The following DUS3L variants were observed in gnomAD, a reference collection of about 807,000 sequenced individuals.
DUS3L encodes tRNA-dihydrouridine(47) synthase [NAD(P)(+)]-like.
In DUS3L, 62 loss-of-function variants were observed where a neutral mutation model predicts 74.6. That is an observed-to-expected ratio of 0.83 (90% CI 0.68 to 1.03). The LOEUF is 1.03. DUS3L is among the 50% of genes least tolerant of loss of function. The probability of loss-of-function intolerance (pLI) is 0.00; values close to 1 mark genes in which losing one functional copy is unlikely to be tolerated. For synonymous variants in DUS3L, 433 were observed against 395.7 expected (o/e 1.09, Z -1.12); for missense variants, 884 against 924.4 (o/e 0.96, Z 0.57).
Position 5,790,102 on chromosome 19 carries a change from G to C in DUS3L, c.332C>G (p.Pro111Arg), listed in dbSNP as rs775097771. 30 of 1,614,134 alleles carry C rather than the reference G, an allele frequency of 1.9e-5. No homozygotes were observed. In the East Asian group the frequency reaches 4.0e-4, roughly 22 times the overall value. The change falls in exon 2 of 13, where the codon CCC becomes CGC. Residue 111 changes from proline (P) to arginine (R), a missense_variant. Pro to Arg is a moderately radical substitution (Grantham distance 103). Coordinates refer to ENST00000309061, the MANE Select transcript of DUS3L (RefSeq NM_020175.3). ...KRARGQNKGR[P>R]HVKPTNYDKN... The stretch of plus-strand genomic sequence containing the variant: ...GTCGTAGTTCGTGGGCTTCACATGG[G>C]GCCGGCCCTTGTTTTGTCCCCGGGC...
chr19:5,785,398 T>C lies in DUS3L; in HGVS notation c.1865A>G (p.Asp622Gly), dbSNP rs543781101. The change falls in exon 12 of 13, where the codon GAC becomes GGC. Residue 622 changes from aspartate (D) to glycine (G), a missense_variant. Transcript: ENST00000309061. Reference protein sequence around the residue: ...ETLMASQKAADWIRISEMLLG... With the variant: ...ETLMASQKAAGWIRISEMLLG... ...ACCCAGGCACCTGATGCGGATCCAG[T>C]CGGCTGCCTTCTGGCTGGCCATCAG... The C allele has an allele frequency of 6.3e-7, 1 of 1,595,904 alleles. No homozygotes were observed. The highest frequency in any genetic ancestry group is 8.5e-7 in the Non-Finnish European group (1 of 1,170,790).
Position 5,791,068 on chromosome 19 carries a change from C to T in DUS3L, c.74G>A (p.Arg25Gln). ...CTGACGCTTAATGGGCGCCACTCCT[C>T]GTTCCAAAGCTCCGGCTCCCGAGTC... is the stretch of plus-strand genomic sequence containing the variant. ...GGDSGAGALE[R>Q]GVAPIKRQYL... The change falls in exon 1 of 13, where the codon CGA becomes CAA. Residue 25 changes from arginine to glutamine, a missense_variant. Transcript: ENST00000309061. 2 of 1,606,234 alleles carry T rather than the reference C, an allele frequency of 1.2e-6. No individual in the cohort carries two copies. Among genetic ancestry groups the T allele is most frequent in the Non-Finnish European group, 1.7e-6 (2 of 1,176,846 alleles).
Position 5,789,407 on chromosome 19 carries a change from G to C in DUS3L, c.700C>G (p.Arg234Gly). The change falls in exon 3 of 13, where the codon CGG becomes GGG. Residue 234 changes from arginine (R) to glycine (G), a missense_variant. Coordinates refer to ENST00000309061, the MANE Select transcript of DUS3L (RefSeq NM_020175.3). Reference sequence around the variant, plus strand: ...GCGGGTGTGGGGCCCTGGCTGAACCGGCGCAGGGCCTGCTCAGCTCGCTCG... The same window carrying C: ...GCGGGTGTGGGGCCCTGGCTGAACCCGCGCAGGGCCTGCTCAGCTCGCTCG... ...RFERAEQALRRFSQGPTPAAA... is the reference protein window; with the variant it reads ...RFERAEQALRGFSQGPTPAAA... 1 of 1,593,958 alleles carries C rather than the reference G, an allele frequency of 6.3e-7. No homozygotes were observed. The highest frequency in any genetic ancestry group is 8.5e-7 in the Non-Finnish European group (1 of 1,173,684).
At position 5,791,035 on chromosome 19, in the gene DUS3L, G is replaced by A. The variant is rs1172344982; in HGVS notation, c.98+9C>T. 6.3e-7 allele frequency: 1 copy of A among 1,590,950 alleles called. No homozygotes were observed. Among genetic ancestry groups the A allele is most frequent in the Non-Finnish European group, 8.6e-7 (1 of 1,168,992 alleles). On this transcript the variant is annotated intron_variant, in intron 1 of 12. Transcript: ENST00000309061. ...GCCCTTCAGCTTCCCTCCTGCCCCG[G>A]CGACTCACTGACGCTTAATGGGCGC...
At chr19:5,788,955 C>T (rs994026915) in intron 3 of DUS3L, among the ~76,000 whole-genome samples, 17 of 152,164 alleles carry the variant, frequency 1.1e-4, no homozygotes, top group Non-Finnish European at 2.4e-4. Context: ...GATCTGCCTG[C>T]CTCAGCCTCC....
Position 5,785,143 on chromosome 19 carries a change from T to C in DUS3L, c.*60A>G. The C allele has an allele frequency of 6.5e-7, 1 of 1,540,962 alleles. No individual in the cohort carries two copies. The highest frequency in any genetic ancestry group is 8.8e-7 in the Non-Finnish European group (1 of 1,139,202). Reference sequence around the variant, plus strand: ...CAGGGTCACAGAAAGGCCTGGATTTTAAAAGAATAAAATTTATTGTACTCT... The same window carrying C: ...CAGGGTCACAGAAAGGCCTGGATTTCAAAAGAATAAAATTTATTGTACTCT... On this transcript the variant is annotated 3_prime_UTR_variant, in exon 13 of 13. Coordinates refer to ENST00000309061, the MANE Select transcript of DUS3L (RefSeq NM_020175.3).
chr19:5,788,392 T>C lies in DUS3L; in HGVS notation c.907A>G (p.Ile303Val), dbSNP rs977856746. The change falls in exon 4 of 13, where the codon ATC (isoleucine) becomes GTC (valine). Residue 303 changes from isoleucine (I) to valine (V), a missense_variant. Physicochemically the swap from Ile to Val is conservative, Grantham distance 29 (BLOSUM62 3). Coordinates refer to ENST00000309061, the MANE Select transcript of DUS3L (RefSeq NM_020175.3). ...LRPCEKKRLD[I>V]RGKLYLAPLT... ...GGGGCCAGGTAAAGTTTGCCACGGATGTCCAGCTGGAGGGAAAAAAATACA... is the reference window on the plus strand; with the variant it reads ...GGGGCCAGGTAAAGTTTGCCACGGACGTCCAGCTGGAGGGAAAAAAATACA... 5.6e-6 allele frequency: 9 copies of C among 1,613,462 alleles called. No homozygotes were observed. Among genetic ancestry groups the C allele is most frequent in the African/African-American group, 1.3e-5 (1 of 75,030 alleles).
intron 3 of DUS3L, among the ~76,000 whole-genome samples, chr19:5,788,705 CTTTTT>C (rs942516959): frequency 3.1e-5 from 4 of 127,708 alleles, no homozygotes; most frequent in Non-Finnish European, 4.9e-5. Flanking sequence ...GTGTCCAGCT[CTTTTT>C]TTTTTTTTTT....
rs765833088 is a variant in DUS3L at position 5,789,665 on chromosome 19, C to T, written c.442G>A (p.Gly148Arg). The change falls in exon 3 of 13, where the codon GGG becomes AGG. Residue 148 changes from glycine (G) to arginine (R), a missense_variant. Physicochemically the swap from Gly to Arg is moderately radical, Grantham distance 125. Coordinates refer to ENST00000309061, the MANE Select transcript of DUS3L (RefSeq NM_020175.3). ...GDRCRFLHDV[G>R]RYLETKPADL... ...GCCGGCTTGGTCTCCAGGTAGCGCC[C>T]CACGTCGTGCAGAAAGCGGCAGCGA... 7 of 1,609,570 alleles carry T rather than the reference C, an allele frequency of 4.3e-6. No homozygotes were observed. In the South Asian group the frequency reaches 7.8e-5, roughly 18 times the overall value.
intron 2 of DUS3L, 111 bp downstream of exon 2, chr19:5,789,936 G>A: frequency 6.9e-7 from 1 of 1,444,004 alleles, no homozygotes; most frequent in African/African-American, 1.4e-5. Context: ...ATCAGAGCAA[G>A]CTCACTGCTC....
Position 5,787,165 on chromosome 19 carries a change from C to A in DUS3L, c.1285G>T (p.Asp429Tyr). 1 of 488,738 alleles carries A rather than the reference C, an allele frequency of 2.0e-6. No individual in the cohort carries two copies. The highest frequency in any genetic ancestry group is 3.1e-4 in the East Asian group (1 of 3,244). 30.3% of individuals were successfully genotyped at this position (488,738 alleles called of 1,614,324 possible). Residue 429 changes from aspartate (D) to tyrosine (Y), a missense_variant, in exon 8 of 13, where the codon GAT becomes TAT. Transcript: ENST00000309061. ...CGGATCTTCACAGTCAGCGGCACATCCAGCACCTACAGGACGGTGGTGGGA... is the reference window on the plus strand; with the variant it reads ...CGGATCTTCACAGTCAGCGGCACATACAGCACCTACAGGACGGTGGTGGGA... The part of the protein sequence containing the change: ...QIVRGMNQVL[D>Y]VPLTVKIRTG...
At chr19:5,790,397 G>C in intron 1 of DUS3L, 62 bp from the exon 2 acceptor site, 9 of 1,593,622 alleles carry the variant, frequency 5.6e-6, no homozygotes, top group Non-Finnish European at 7.7e-6. Context: ...GGGGAAAGGA[G>C]GCTAGAAACA....
rs1290717942 is a variant in DUS3L at position 5,790,560 on chromosome 19, TCA to T, written c.99-227_99-226del. Among the ~76,000 whole-genome samples the T allele has an allele frequency of 3.3e-5, 5 of 152,200 alleles. No homozygotes were observed. The East Asian group carries it at 9.7e-4, about 29-fold the overall frequency. ...GTGTTGCGCGAAACTATTATCAGGT[TCA>T]GTCAAGAACGTCCCTGCGCACGTTA... On this transcript the variant is annotated intron_variant, in intron 1 of 12. Transcript: ENST00000309061.
At position 5,785,779 on chromosome 19, in the gene DUS3L, G is replaced by A. The variant is rs1023669688; in HGVS notation, c.1575C>T (p.Leu525=). ...TGATCTCCGTGAAGAGCCACGGCTT[G>A]AGCAGGGCGCCACTGTGGGACGGGT... The part of the protein sequence containing the change: ...TGIMIARGAL[L]KPWLFTEIKE... The change falls in exon 11 of 13, where the codon CTC becomes CTT. Residue 525 remains leucine (L), a synonymous_variant. Coordinates refer to ENST00000309061, the MANE Select transcript of DUS3L (RefSeq NM_020175.3). The A allele has an allele frequency of 1.9e-6, 3 of 1,600,330 alleles. No homozygotes were observed. In the Admixed American group the frequency reaches 5.2e-5, roughly 28 times the overall value.
intron 5 of DUS3L, 133 bp downstream of exon 5, chr19:5,787,891 A>G: frequency 6.8e-7 from 1 of 1,463,490 alleles, no homozygotes; most frequent in Middle Eastern, 2.4e-4. Flanking sequence ...CCAGAGGTGG[A>G]TCAGGGCATC....
intron 4 of DUS3L, 21 bp from the exon 5 acceptor site, chr19:5,788,197 A>C: frequency 6.2e-7 from 1 of 1,612,958 alleles, no homozygotes; most frequent in Non-Finnish European, 8.5e-7. Flanking sequence ...AGCAGGACAG[A>C]CACACATGCT....
At chr19:5,786,660 G>C in intron 9 of DUS3L, 89 bp downstream of exon 9, 1 of 1,572,526 alleles carries the variant, frequency 6.4e-7, no homozygotes, top group Non-Finnish European at 8.6e-7. Context: ...GGTGGTACGA[G>C]GGGGTCCCAA....
At chr19:5,788,450 T>C (rs1200736304) in intron 3 of DUS3L, 52 bp from the exon 4 acceptor site, 1 of 1,581,648 alleles carries the variant, frequency 6.3e-7, no homozygotes, top group Admixed American at 1.8e-5. Context: ...CCCCAGCTGC[T>C]GAGGCCCTGG....
At chr19:5,790,862 C>A in intron 1 of DUS3L, 182 bp downstream of exon 1, 1 of 637,204 alleles carries the variant, frequency 1.6e-6, no homozygotes, top group South Asian at 1.9e-5. Context: ...TGTGACAGGC[C>A]CCAACGTGCA....
Sources: gnomAD v4.1 joint callset for allele counts (sites outside exome capture counted in the v4.1 genomes callset) on GRCh38, gnomAD v4.1.1 for gene constraint, MANE v1.5 for transcripts, NCBI Gene and HGNC (gene_info 2026-07-23, HGNC 2026-07-21) for gene names.